SLF1: variants seen among roughly 807,000 people sequenced by gnomAD.
SLF1 encodes SMC5-SMC6 complex localization factor protein 1.
A neutral mutation model predicts 123.0 loss-of-function variants in SLF1; 105 were observed. That is an observed-to-expected ratio of 0.85 (90% CI 0.73 to 1.00). The LOEUF (loss-of-function observed/expected upper bound fraction) is 1.00. Ranked by LOEUF, SLF1 falls within the 50% of genes least tolerant of loss-of-function variation. The pLI is 0.00. For synonymous variants in SLF1, 434 were observed against 406.6 expected (o/e 1.07, Z -0.81); for missense variants, 1,239 against 1,223.0 (o/e 1.01, Z -0.20).
chr5:94,632,204 A>G (rs1736736415), intron 4 of SLF1, among the ~76,000 whole-genome samples: 1 of 152,038 alleles, frequency 6.6e-6, no homozygotes, highest in Admixed American at 6.5e-5. Flanking sequence ...TCAATTGACC[A>G]TGTATGTGTG....
chr5:94,646,628 A>T (rs1197171839), intron 5 of SLF1, among the ~76,000 whole-genome samples: 2 of 152,194 alleles, frequency 1.3e-5, no homozygotes, highest in Non-Finnish European at 2.9e-5. Flanking sequence ...GGAATACTGA[A>T]AACTTATCTT....
chr5:94,622,989 A>G (rs1260390093), intron 1 of SLF1, among the ~76,000 whole-genome samples: 1 of 152,040 alleles, frequency 6.6e-6, no homozygotes, highest in Admixed American at 6.5e-5. Context: ...CTCTCAAACC[A>G]GACTTTTGTA....
chr5:94,692,683 A>T (rs1000088048), intron 20 of SLF1, among the ~76,000 whole-genome samples: 2 of 152,146 alleles, frequency 1.3e-5, no homozygotes, highest in African/African-American at 4.8e-5. Flanking sequence ...CTTATTTTTA[A>T]TGAGTCATTT....
At chr5:94,667,921 T>C (rs1333645553) in intron 12 of SLF1, among the ~76,000 whole-genome samples, 1 of 152,030 alleles carries the variant, frequency 6.6e-6, no homozygotes, top group Non-Finnish European at 1.5e-5. Flanking sequence ...GCTAGTTTTG[T>C]ATTTTTTGTA....
intron 9 of SLF1, among the ~76,000 whole-genome samples, chr5:94,659,834 G>A (rs1327501739): frequency 6.6e-6 from 1 of 152,144 alleles, no homozygotes; most frequent in Non-Finnish European, 1.5e-5. Flanking sequence ...TGCCAGCAGT[G>A]ACAGTAGTGG....
rs1752811998 is a variant in SLF1 at position 94,689,353 on chromosome 5, T to C, written c.2286-120T>C. ...TTTTAAAATTAGAAAGCAGTAAAGATTGAATGAGTAAGGGAGTTTAAATTA... is the reference window on the plus strand; with the variant it reads ...TTTTAAAATTAGAAAGCAGTAAAGACTGAATGAGTAAGGGAGTTTAAATTA... On this transcript the variant is annotated intron_variant, in intron 17 of 20. Transcript: ENST00000265140. 5.0e-6 allele frequency: 5 copies of C among 997,880 alleles called. No homozygotes were observed. The Admixed American group carries it at 1.7e-4, about 33-fold the overall frequency. 61.8% of individuals were successfully genotyped at this position (997,880 alleles called of 1,614,324 possible). A position where few individuals can be genotyped will look rare whatever the true frequency, so the allele number is the denominator to read the frequency against.
At chr5:94,652,642 A>G (rs890631466) in intron 7 of SLF1, among the ~76,000 whole-genome samples, 2 of 152,206 alleles carry the variant, frequency 1.3e-5, no homozygotes, top group African/African-American at 2.4e-5. Context: ...CAATTCTGCT[A>G]TGAATAATAT....
At position 94,687,418 on chromosome 5, in the gene SLF1, C is replaced by T. The variant is rs553785015; in HGVS notation, c.2121+700C>T. Among the ~76,000 whole-genome samples, 38 of 152,252 alleles carry T rather than the reference C, an allele frequency of 2.5e-4. 1 individual carries two copies. The East Asian group carries it at 3.3e-3, about 13-fold the overall frequency. On this transcript the variant is annotated intron_variant, in intron 16 of 20. Transcript: ENST00000265140. ...AATCACCAAATAGAAATTTTAAGGC[C>T]GAGCATGATGGCCCCTGCCTATAAT...
At chr5:94,683,908 C>G (rs897396089) in intron 15 of SLF1, among the ~76,000 whole-genome samples, 10 of 152,280 alleles carry the variant, frequency 6.6e-5, no homozygotes, top group African/African-American at 2.4e-4. Context: ...GATTAATGAC[C>G]TATATACTGT....
At chr5:94,659,914 A>G (rs1748869868) in intron 9 of SLF1, among the ~76,000 whole-genome samples, 1 of 152,086 alleles carries the variant, frequency 6.6e-6, no homozygotes, top group Non-Finnish European at 1.5e-5. Flanking sequence ...TTGTGGGCCA[A>G]TCCTCGGGCC....
chr5:94,674,565 A>G (rs1354065735), intron 14 of SLF1, among the ~76,000 whole-genome samples: 2 of 152,214 alleles, frequency 1.3e-5, no homozygotes, highest in African/African-American at 4.8e-5. Flanking sequence ...CAAGAATTCC[A>G]TGCATGTTCA....
intron 5 of SLF1, 130 bp from the exon 6 acceptor site, chr5:94,649,324 T>G: frequency 1.5e-6 from 1 of 674,506 alleles, no homozygotes; most frequent in Admixed American, 3.7e-5. Context: ...CATCCTTTGA[T>G]TTAAGAGGGT....
rs549617857 is a variant in SLF1, at chr5:94,634,173, C to CT, written c.431+3434dup. ...TCATTACTTCTGTTAGTCCTATCAG[C>CT]TTTTGCTTTATTTATACTGAATTCC... On this transcript the variant is annotated intron_variant, in intron 4 of 20. Transcript: ENST00000265140. Among the ~76,000 whole-genome samples, 35 of 152,224 alleles carry CT rather than the reference C, an allele frequency of 2.3e-4. No homozygotes were observed. In the East Asian group the frequency reaches 6.4e-3, roughly 28 times the overall value.
intron 7 of SLF1, among the ~76,000 whole-genome samples, chr5:94,652,997 A>G (rs569741716): frequency 6.6e-6 from 1 of 152,134 alleles, no homozygotes; most frequent in Non-Finnish European, 1.5e-5. Context: ...AGCTGGGATT[A>G]CAGGCATGTG....
intron 5 of SLF1, among the ~76,000 whole-genome samples, chr5:94,648,063 C>T (rs1414728145): frequency 6.6e-6 from 1 of 152,114 alleles, no homozygotes; most frequent in African/African-American, 2.4e-5. Context: ...GTATTCTGGA[C>T]ATTTTTTGAG....
chr5:94,690,345 T>C (rs1033161551), intron 18 of SLF1, among the ~76,000 whole-genome samples: 7 of 152,200 alleles, frequency 4.6e-5, no homozygotes, highest in Admixed American at 3.3e-4. Context: ...GAAGCACTTA[T>C]ATTTCAATGT....
chr5:94,648,668 G>C (rs1415014985), intron 5 of SLF1, among the ~76,000 whole-genome samples: 1 of 152,118 alleles, frequency 6.6e-6, no homozygotes, highest in African/African-American at 2.4e-5. Flanking sequence ...TTTTAGTAGC[G>C]ATGGGGTTTC....
At chr5:94,626,070 G>A (rs186544949) in intron 1 of SLF1, among the ~76,000 whole-genome samples, 7 of 151,430 alleles carry the variant, frequency 4.6e-5, no homozygotes, top group East Asian at 2.0e-4. Context: ...TGGCTAACAC[G>A]GTGAAACCCT....
At chr5:94,658,663 A>C in intron 9 of SLF1, among the ~76,000 whole-genome samples, 1 of 152,140 alleles carries the variant, frequency 6.6e-6, no homozygotes, top group East Asian at 1.9e-4. Flanking sequence ...AATTGAATCT[A>C]TTTGGAAATA....
Sources: allele counts gnomAD v4.1 joint callset (sites outside exome capture counted in the v4.1 genomes callset), GRCh38; gene constraint gnomAD v4.1.1; transcripts MANE v1.5; gene names NCBI Gene and HGNC (gene_info 2026-07-23, HGNC 2026-07-21).